The following MYLK variants were observed in gnomAD, a reference collection of about 807,000 sequenced individuals.
MYLK encodes the protein myosin light chain kinase.
Under a neutral mutation model 203.4 loss-of-function variants are expected in MYLK, and 106 were observed. The ratio of observed to expected loss-of-function variants is 0.52; its 90% confidence interval spans 0.45 to 0.61. The LOEUF is 0.61. Ranked by LOEUF, MYLK falls within the 20% of genes least tolerant of loss-of-function variation. The pLI is 0.00. For synonymous variants in MYLK, 867 were observed against 959.5 expected, an observed-to-expected ratio of 0.90 and a Z score of 1.78; for missense variants, 2,072 against 2,442.3, an observed-to-expected ratio of 0.85 and a Z score of 3.20.
At chr3:123,646,323 G>C (rs951753227) in intron 27 of MYLK, among the ~76,000 whole-genome samples, 2 of 152,206 alleles carry the variant, frequency 1.3e-5, no homozygotes, top group Non-Finnish European at 2.9e-5. Flanking sequence ...GTTGGTGATG[G>C]TTGTAGTGTT....
At chr3:123,826,483 C>T (rs1164638722) in intron 3 of MYLK, among the ~76,000 whole-genome samples, 1 of 152,314 alleles carries the variant, frequency 6.6e-6, no homozygotes, top group African/African-American at 2.4e-5. Context: ...AGAAACAGAC[C>T]TGTAGGTAGT....
intron 14 of MYLK, chr3:123,709,379 G>C (rs2061602052): frequency 3.3e-6 from 1 of 300,958 alleles, no homozygotes; most frequent in African/African-American, 2.2e-5. Context: ...CTGACCTTGT[G>C]ATCTGCTGCC....
At chr3:123,853,937 T>C (rs541441447) in intron 2 of MYLK, among the ~76,000 whole-genome samples, 73 of 152,170 alleles carry the variant, frequency 4.8e-4, no homozygotes, top group African/African-American at 1.6e-3. Context: ...TTAGCACATA[T>C]AACATAAGCA....
At chr3:123,793,609 G>T (rs574739935) in intron 4 of MYLK, 68 bp downstream of exon 4, 2 of 1,579,056 alleles carry the variant, frequency 1.3e-6, no homozygotes, top group East Asian at 2.2e-5. Flanking sequence ...CCAGGAAAAG[G>T]CTTGACAAGG....
chr3:123,808,952 G>T (rs1019731549), intron 3 of MYLK, among the ~76,000 whole-genome samples: 1 of 152,154 alleles, frequency 6.6e-6, no homozygotes, highest in Non-Finnish European at 1.5e-5. Context: ...CTGATTCCAG[G>T]CTTCAGACCC....
chr3:123,729,211 T>A (rs971874454), intron 11 of MYLK, among the ~76,000 whole-genome samples: 7 of 152,134 alleles, frequency 4.6e-5, no homozygotes, highest in African/African-American at 1.4e-4. Context: ...GCCGGAGCAC[T>A]GAAGATGGGC....
chr3:123,746,794 T>C (rs2063031313), intron 5 of MYLK, among the ~76,000 whole-genome samples: 1 of 74,492 alleles, frequency 1.3e-5, no homozygotes, highest in South Asian at 7.9e-4. Context: ...CATTTTAAGA[T>C]TCTGCCTAGA....
At chr3:123,733,407 A>G (rs2062557107) in intron 10 of MYLK, among the ~76,000 whole-genome samples, 1 of 152,142 alleles carries the variant, frequency 6.6e-6, no homozygotes, top group African/African-American at 2.4e-5. Context: ...GTTGGCGATA[A>G]TGAGGGTGTT....
At chr3:123,772,882 G>A (rs992165463) in intron 4 of MYLK, among the ~76,000 whole-genome samples, 1 of 151,934 alleles carries the variant, frequency 6.6e-6, no homozygotes, top group African/African-American at 2.4e-5. Context: ...CTTAAACATT[G>A]CTGAAGGAAG....
chr3:123,813,516 CTTTT>C (rs556377390), intron 3 of MYLK, among the ~76,000 whole-genome samples: 2 of 146,296 alleles, frequency 1.4e-5, no homozygotes, highest in East Asian at 4.0e-4. Context: ...CTCTCTCTCT[CTTTT>C]TTTTTTTTGA....
At chr3:123,736,411 G>A (rs1040882424) in intron 8 of MYLK, among the ~76,000 whole-genome samples, 1 of 152,088 alleles carries the variant, frequency 6.6e-6, no homozygotes, top group Middle Eastern at 3.2e-3. Flanking sequence ...AAGGAGGAAG[G>A]ACTGAAAGCC....
At chr3:123,633,515 A>G (rs2058519383) in intron 29 of MYLK, among the ~76,000 whole-genome samples, 1 of 152,212 alleles carries the variant, frequency 6.6e-6, no homozygotes, top group Non-Finnish European at 1.5e-5. Context: ...GGTCTTATCT[A>G]GTTTTTAACT....
At chr3:123,880,469 G>GA (rs1017156946) in intron 1 of MYLK, among the ~76,000 whole-genome samples, 7 of 151,770 alleles carry the variant, frequency 4.6e-5, no homozygotes, top group South Asian at 2.1e-4. Context: ...AGAGCCAAGG[G>GA]AAAAAAAATC....
At chr3:123,854,032 T>C (rs1414325077) in intron 2 of MYLK, among the ~76,000 whole-genome samples, 1 of 151,752 alleles carries the variant, frequency 6.6e-6, no homozygotes, top group Non-Finnish European at 1.5e-5. Flanking sequence ...TACCCCAAGG[T>C]AGCCTGCTGG....
chr3:123,706,200 T>TA (rs1445026736), intron 16 of MYLK, among the ~76,000 whole-genome samples: 23 of 152,194 alleles, frequency 1.5e-4, no homozygotes, highest in Non-Finnish European at 2.5e-4. Flanking sequence ...TCCTAAGAAA[T>TA]AATGAAACTG....
chr3:123,618,587 A>G (rs1045889539), intron 33 of MYLK, 52 bp downstream of exon 33: 41 of 1,611,248 alleles, frequency 2.5e-5, no homozygotes, highest in Non-Finnish European at 3.4e-5. Flanking sequence ...TAGGGACTCT[A>G]CCATCCAGCC....
intron 4 of MYLK, among the ~76,000 whole-genome samples, chr3:123,766,586 T>C (rs1270887904): frequency 6.6e-6 from 1 of 152,002 alleles, no homozygotes; most frequent in African/African-American, 2.4e-5. Context: ...GTGAACCCAG[T>C]TTGCACTAGA....
chr3:123,761,309 C>T (rs1162542256), intron 4 of MYLK, among the ~76,000 whole-genome samples: 1 of 152,196 alleles, frequency 6.6e-6, no homozygotes, highest in Non-Finnish European at 1.5e-5. Context: ...ACTTGGCTTC[C>T]TTGGCTTTGT....
At chr3:123,737,801 G>A (rs1454029081) in intron 7 of MYLK, among the ~76,000 whole-genome samples, 4 of 152,178 alleles carry the variant, frequency 2.6e-5, no homozygotes, top group Non-Finnish European at 2.9e-5. Flanking sequence ...GCCTGAGTTT[G>A]AGGTAGGAAA....
Sources: gnomAD v4.1 joint callset for allele counts (sites outside exome capture counted in the v4.1 genomes callset) on GRCh38, gnomAD v4.1.1 for gene constraint, MANE v1.5 for transcripts, NCBI Gene and HGNC (gene_info 2026-07-23, HGNC 2026-07-21) for gene names.